The following CATSPER1 variants were observed in gnomAD, a reference collection of about 807,000 sequenced individuals.
The protein encoded by CATSPER1 is cation channel sperm associated 1, also known as cation channel sperm-associated protein 1.
Under a neutral mutation model 72.7 loss-of-function variants are expected in CATSPER1, and 57 were observed. The ratio of observed to expected loss-of-function variants is 0.78; its 90% CI spans 0.63 to 0.98. The LOEUF is 0.98. Among genes scored for constraint, CATSPER1 ranks in the 50% least tolerant of loss-of-function variants. The pLI is 0.00. For synonymous variants in CATSPER1, 363 were observed against 403.0 expected (o/e 0.90, Z 1.19); for missense variants, 910 against 1,033.9 (o/e 0.88, Z 1.64).
At chr11:66,019,370 G>A (rs1247337246) in intron 9 of CATSPER1, among the ~76,000 whole-genome samples, 4 of 151,594 alleles carry the variant, frequency 2.6e-5, no homozygotes, top group Admixed American at 6.6e-5. Context: ...TCTGCCTCCC[G>A]GGTTCAAGTG....
Position 66,021,496 on chromosome 11 carries a change from C to A in CATSPER1, c.1691G>T (p.Ser564Ile). 1.4e-5 allele frequency: 23 copies of A among 1,613,088 alleles called. No homozygotes were observed. Among genetic ancestry groups the A allele is most frequent in the Non-Finnish European group, 1.9e-5 (23 of 1,180,004 alleles). ...LRAIRVLRRLSFLTSVQEVTG... is the reference protein window; with the variant it reads ...LRAIRVLRRLIFLTSVQEVTG... ...CCAGGTGGGAGCCGTGGCCACTGAC[C>A]TGAGCCTCCGCAGGACCCGGATTGC... is the stretch of plus-strand genomic sequence containing the variant. The change falls in exon 4 of 12, where the codon AGC becomes ATC. Residue 564 changes from serine to isoleucine, a missense_variant and splice_region_variant. By Grantham distance (142) the Ser-to-Ile change is moderately radical. Coordinates refer to ENST00000312106, the MANE Select transcript of CATSPER1 (RefSeq NM_053054.4).
chr11:66,022,517 C>T (rs542314922), intron 2 of CATSPER1, among the ~76,000 whole-genome samples: 9 of 152,362 alleles, frequency 5.9e-5, no homozygotes, highest in Admixed American at 2.6e-4. Flanking sequence ...CATCCTCGCC[C>T]CTCCAGGGCC....
intron 2 of CATSPER1, among the ~76,000 whole-genome samples, chr11:66,022,445 G>A (rs1483698066): frequency 6.6e-6 from 1 of 152,258 alleles, no homozygotes; most frequent in African/African-American, 2.4e-5. Context: ...ACAGCGAGCC[G>A]GGCAGCTCCT....
chr11:66,016,759 TA>T lies in CATSPER1; in HGVS notation c.*130del. On this transcript the variant is annotated 3_prime_UTR_variant, in exon 12 of 12. Transcript: ENST00000312106. The stretch of plus-strand genomic sequence containing the variant: ...TGAGGACATGGAGCCTCCTGGGGTT[TA>T]AAAACTCTGTTGGGGCCCCTGCTCT... 1 of 989,958 alleles carries T rather than the reference TA, an allele frequency of 1.0e-6. No homozygotes were observed. The highest frequency in any genetic ancestry group is 1.6e-5 in the South Asian group (1 of 62,094). 61.3% of individuals were successfully genotyped at this position (989,958 alleles called of 1,614,324 possible). A position where few individuals can be genotyped will look rare whatever the true frequency, so the allele number is the denominator to read the frequency against.
At chr11:66,022,767 G>A (rs1265048953) in intron 2 of CATSPER1, 82 bp downstream of exon 2, 3 of 1,399,004 alleles carry the variant, frequency 2.1e-6, no homozygotes, top group Non-Finnish European at 2.0e-6. Context: ...CCTATAAACC[G>A]CCCGGCACTG....
In CATSPER1 at chr11:66,026,023, G is replaced by T; in HGVS notation, c.357C>A (p.Leu119=). The T allele has an allele frequency of 6.2e-7, 1 of 1,614,104 alleles. No individual in the cohort carries two copies. The highest frequency in any genetic ancestry group is 1.1e-5 in the South Asian group (1 of 91,076). Residue 119 remains leucine (L), a synonymous_variant, in exon 1 of 12, where the codon CTC becomes CTA. Transcript: ENST00000312106. ...CATGATGCCTCCTGCCATCACGTTG[G>T]AGCTCATCATGGTAGTCCTCACCGT... is the stretch of plus-strand genomic sequence containing the variant. ...RSYGEDYHDE[L]QRDGRRHHDG... is the part of the protein sequence containing the mutation.
chr11:66,021,688 C>A, intron 3 of CATSPER1, 45 bp from the exon 4 acceptor site: 17 of 1,609,774 alleles, frequency 1.1e-5, no homozygotes, highest in Non-Finnish European at 1.4e-5. Context: ...CCAACGCCAG[C>A]GCCCCCTTCC....
chr11:66,018,274 G>A (rs1856281658), intron 10 of CATSPER1, among the ~76,000 whole-genome samples: 1 of 151,922 alleles, frequency 6.6e-6, no homozygotes, highest in Non-Finnish European at 1.5e-5. Context: ...GGCTTGGGCA[G>A]GGCTCCTGGT....
intron 10 of CATSPER1, among the ~76,000 whole-genome samples, chr11:66,018,025 C>T (rs1856274775): frequency 6.6e-6 from 1 of 151,786 alleles, no homozygotes; most frequent in South Asian, 2.1e-4. Context: ...ATGGTGAAAC[C>T]CTGTCTCTAC....
intron 1 of CATSPER1, among the ~76,000 whole-genome samples, chr11:66,024,321 C>A (rs1225254629): frequency 1.4e-5 from 2 of 147,174 alleles, no homozygotes; most frequent in East Asian, 2.0e-4. Flanking sequence ...ACTGTCACCC[C>A]GGCCGGAGTG....
At chr11:66,018,082 C>T (rs987005476) in intron 10 of CATSPER1, among the ~76,000 whole-genome samples, 18 of 151,838 alleles carry the variant, frequency 1.2e-4, no homozygotes, top group Admixed American at 2.6e-4. Flanking sequence ...GTGACATGCA[C>T]CTGTAATCCC....
At chr11:66,025,116 C>G in intron 1 of CATSPER1, 48 bp downstream of exon 1, 2 of 1,612,992 alleles carry the variant, frequency 1.2e-6, no homozygotes, top group Non-Finnish European at 1.7e-6. Flanking sequence ...GGTCTGGATC[C>G]TGCGCCAGGC....
At chr11:66,017,446 G>A (rs755161872) in intron 10 of CATSPER1, among the ~76,000 whole-genome samples, 15 of 142,446 alleles carry the variant, frequency 1.1e-4, no homozygotes, top group African/African-American at 2.7e-4. Flanking sequence ...CTCCCCATAC[G>A]CCCACTCGAC....
At chr11:66,021,025 C>T in intron 5 of CATSPER1, 69 bp downstream of exon 5, 2 of 1,608,920 alleles carry the variant, frequency 1.2e-6, no homozygotes, top group Non-Finnish European at 1.7e-6. Flanking sequence ...CTGCCCCATC[C>T]CTGCTCCCCG....
At chr11:66,025,088 A>C in intron 1 of CATSPER1, 76 bp downstream of exon 1, 1 of 1,585,416 alleles carries the variant, frequency 6.3e-7, no homozygotes, top group Non-Finnish European at 8.7e-7. Flanking sequence ...GCGGAAGGAC[A>C]GTGCGGGGCC....
In CATSPER1 at chr11:66,017,075, C is replaced by T. The variant is rs763905604; in HGVS notation, c.2301G>A (p.Val767=). The T allele has an allele frequency of 1.1e-5, 17 of 1,612,348 alleles. No individual in the cohort carries two copies. Among genetic ancestry groups the T allele is most frequent in the Middle Eastern group, 1.6e-4 (1 of 6,070 alleles). ...CCTGGTTCACCTCAAATGTGGTGTC[C>T]ACAATCTCATCGATGACGGCTGCCT... ...RSQAAVIDEI[V]DTTFEAGEED... is the part of the protein sequence containing the mutation. Residue 767 remains valine, a synonymous_variant, in exon 11 of 12, where the codon GTG becomes GTA. Transcript: ENST00000312106.
intron 9 of CATSPER1, among the ~76,000 whole-genome samples, chr11:66,019,355 C>T (rs1439837986): frequency 6.6e-6 from 1 of 151,962 alleles, no homozygotes; most frequent in Admixed American, 6.6e-5. Context: ...TGGCTCACTG[C>T]AACCTCTGCC....
At position 66,021,119 on chromosome 11, in the gene CATSPER1, G is replaced by A; in HGVS notation, c.1758C>T (p.Ile586=). Reference sequence around the variant, plus strand: ...AGAGGCAGGTAAACATGAGGATGAGGATGGCTGCGATGGACGGCAAGGACT... The same window carrying A: ...AGAGGCAGGTAAACATGAGGATGAGAATGGCTGCGATGGACGGCAAGGACT... ...LGQSLPSIAA[I]LILMFTCLFL... Residue 586 remains isoleucine (I), a synonymous_variant, in exon 5 of 12, where the codon ATC becomes ATT. Transcript: ENST00000312106. 6.2e-7 allele frequency: 1 copy of A among 1,613,208 alleles called. No individual in the cohort carries two copies. Among genetic ancestry groups the A allele is most frequent in the Non-Finnish European group, 8.5e-7 (1 of 1,179,744 alleles).
Position 66,016,821 on chromosome 11 carries a change from A to G in CATSPER1, c.*69T>C. 1.3e-6 allele frequency: 2 copies of G among 1,540,428 alleles called. No homozygotes were observed. Among genetic ancestry groups the G allele is most frequent in the East Asian group, 2.3e-5 (1 of 44,326 alleles). On this transcript the variant is annotated 3_prime_UTR_variant, in exon 12 of 12. Coordinates refer to ENST00000312106, the MANE Select transcript of CATSPER1 (RefSeq NM_053054.4). ...GACAATCATTCCAGCAGATCTGGGG[A>G]CCCGTCCCAGTGCACCCAGGTGGGC...
Sources: allele counts gnomAD v4.1 joint callset (sites outside exome capture counted in the v4.1 genomes callset), GRCh38; gene constraint gnomAD v4.1.1; transcripts MANE v1.5; gene names NCBI Gene and HGNC (gene_info 2026-07-23, HGNC 2026-07-21).